Variants in APH1B observed in about 807,000 individuals in gnomAD.
The protein encoded by APH1B is aph-1B gamma-secretase subunit, also known as gamma-secretase subunit APH-1B.
In APH1B, 27 loss-of-function variants were observed where a neutral mutation model predicts 28.2. That is an observed-to-expected ratio of 0.96 (90% CI 0.70 to 1.32). The LOEUF (loss-of-function observed/expected upper bound fraction) is 1.32, where lower values mean the gene tolerates loss of function less well. Ranked by LOEUF, APH1B falls within the 40% of genes most tolerant of loss-of-function variation. The probability of loss-of-function intolerance (pLI) is 0.00; values close to 1 mark genes in which losing one functional copy is unlikely to be tolerated. For synonymous variants in APH1B, 141 were observed against 124.6 expected (o/e 1.13, Z -0.88); for missense variants, 305 against 313.6 (o/e 0.97, Z 0.21).
rs747064305 is a variant in APH1B, at chr15:63,302,344, G to T, written c.479-1G>T. On this transcript the variant is annotated splice_acceptor_variant, in intron 4 of 5. Coordinates refer to ENST00000261879, the MANE Select transcript of APH1B (RefSeq NM_031301.4). LOFTEE classifies it high-confidence loss of function. ...GACACTAATGGTCGGCTCTCTTTCA[G>T]CTTTCATGACGCTGGTCATTATCTT... The T allele has an allele frequency of 6.2e-7, 1 of 1,613,588 alleles. No individual in the cohort carries two copies. The highest frequency in any genetic ancestry group is 1.3e-5 in the African/African-American group (1 of 74,890).
Position 63,290,302 on chromosome 15 carries a change from C to T in APH1B, c.478+2756C>T, listed in dbSNP as rs536037708. 8.5e-5 allele frequency among the ~76,000 whole-genome samples: 13 copies of T among 152,158 alleles called. No homozygotes were observed. The South Asian group carries it at 2.7e-3, about 32-fold the overall frequency. On this transcript the variant is annotated intron_variant, in intron 4 of 5. Transcript: ENST00000261879. ...TATTTGTGGTTATGTTGTAGGCTAG[C>T]ATTAAATTTTACTAGAATCATTACC... is the stretch of plus-strand genomic sequence containing the variant.
chr15:63,301,953 G>A lies in APH1B; in HGVS notation c.479-392G>A, dbSNP rs555317089. 3.8e-4 allele frequency among the ~76,000 whole-genome samples: 58 copies of A among 152,228 alleles called. 1 individual carries two copies. The highest frequency in any genetic ancestry group is 1.3e-3 in the African/African-American group (53 of 41,554). Reference sequence around the variant, plus strand: ...CCATTGCTCTTTTTCAAAAGGATCCGAGGAAAAATTCCACTTTAGTGAGGA... The same window carrying A: ...CCATTGCTCTTTTTCAAAAGGATCCAAGGAAAAATTCCACTTTAGTGAGGA... On this transcript the variant is annotated intron_variant, in intron 4 of 5. Coordinates refer to ENST00000261879, the MANE Select transcript of APH1B (RefSeq NM_031301.4).
At chr15:63,293,498 CTT>C (rs1284708232) in intron 4 of APH1B, among the ~76,000 whole-genome samples, 5 of 126,730 alleles carry the variant, frequency 3.9e-5, no homozygotes, top group Admixed American at 1.6e-4. Flanking sequence ...TCTTCTTCTT[CTT>C]TTTTTTTTTT....
At chr15:63,294,041 C>T (rs914673800) in intron 4 of APH1B, among the ~76,000 whole-genome samples, 1 of 152,016 alleles carries the variant, frequency 6.6e-6, no homozygotes, top group African/African-American at 2.4e-5. Flanking sequence ...CTGTACCTAG[C>T]CACTGCTGCT....
In APH1B at chr15:63,286,623, C is replaced by T; in HGVS notation, c.350C>T (p.Ala117Val). 1 of 1,603,492 alleles carries T rather than the reference C, an allele frequency of 6.2e-7. No individual in the cohort carries two copies. The highest frequency in any genetic ancestry group is 8.5e-7 in the Non-Finnish European group (1 of 1,176,260). Residue 117 changes from alanine (A) to valine (V), a missense_variant, in exon 3 of 6, where the codon GCC becomes GTC. Transcript: ENST00000261879. ...ACAGCACCCTCTATGCGACTGCTGG[C>T]CTATGGTAAGTTAGAACCACATGGT... ...GETAPSMRLL[A>V]YVSGLGFGIM... is the part of the protein sequence containing the mutation.
chr15:63,303,877 AC>A (rs1567033417), intron 5 of APH1B, among the ~76,000 whole-genome samples: 40 of 96,308 alleles, frequency 4.2e-4, no homozygotes, highest in East Asian at 2.1e-3. Context: ...CACACACAAC[AC>A]ACACACACAC....
At chr15:63,279,030 ACT>A in intron 1 of APH1B, 129 bp from the exon 2 acceptor site, 1 of 708,018 alleles carries the variant, frequency 1.4e-6, no homozygotes, top group Non-Finnish European at 2.1e-6. Flanking sequence ...CTTTATGAGG[ACT>A]TTCTTTTCCT....
At chr15:63,293,189 G>A (rs2038523822) in intron 4 of APH1B, among the ~76,000 whole-genome samples, 1 of 150,746 alleles carries the variant, frequency 6.6e-6, no homozygotes, top group African/African-American at 2.4e-5. Flanking sequence ...TACTGAGACC[G>A]AGTCTTACTC....
At chr15:63,302,234 A>AAAC (rs1327068263) in intron 4 of APH1B, 111 bp from the exon 5 acceptor site, 3 of 1,336,848 alleles carry the variant, frequency 2.2e-6, no homozygotes, top group Non-Finnish European at 3.0e-6. Flanking sequence ...AGGTGGTGTT[A>AAAC]AACTCTCTTG....
intron 2 of APH1B, among the ~76,000 whole-genome samples, chr15:63,283,987 C>T (rs745383936): frequency 1.3e-5 from 2 of 152,116 alleles, no homozygotes; most frequent in Admixed American, 6.5e-5. Flanking sequence ...TGTTGAAAAT[C>T]GGTTGACTGT....
chr15:63,286,341 A>G (rs543398091), intron 2 of APH1B, among the ~76,000 whole-genome samples: 213 of 152,208 alleles, frequency 1.4e-3, no homozygotes, highest in African/African-American at 5.0e-3. Flanking sequence ...CTTTTATGGG[A>G]ATGTCAAAAG....
At chr15:63,284,776 A>C (rs1170477691) in intron 2 of APH1B, among the ~76,000 whole-genome samples, 2 of 152,124 alleles carry the variant, frequency 1.3e-5, no homozygotes, top group East Asian at 3.9e-4. Context: ...TACCTGGGTA[A>C]ATTGTGATCC....
rs768494021 is a variant in APH1B at position 63,305,673 on chromosome 15, C to T, written c.666C>T (p.Leu222=). 77 of 1,614,108 alleles carry T rather than the reference C, an allele frequency of 4.8e-5. 1 individual carries two copies. In the South Asian group the frequency reaches 7.0e-4, roughly 15 times the overall value. ...NLASAFIILV[L]MGTWAFLAAG... is the part of the protein sequence containing the mutation. Reference sequence around the variant, plus strand: ...CGTCAGCATTTATAATCCTGGTGCTCATGGGCACCTGGGCATTCTTAGCTG... The same window carrying T: ...CGTCAGCATTTATAATCCTGGTGCTTATGGGCACCTGGGCATTCTTAGCTG... Residue 222 remains leucine, a synonymous_variant, in exon 6 of 6, where the codon CTC becomes CTT. Coordinates refer to ENST00000261879, the MANE Select transcript of APH1B (RefSeq NM_031301.4).
intron 4 of APH1B, among the ~76,000 whole-genome samples, chr15:63,301,332 G>A (rs1165822798): frequency 6.6e-6 from 1 of 152,156 alleles, no homozygotes; most frequent in Non-Finnish European, 1.5e-5. Context: ...CAGTCTGGTG[G>A]GTGTTAATGA....
chr15:63,282,357 G>T (rs926808447), intron 2 of APH1B, among the ~76,000 whole-genome samples: 5 of 152,108 alleles, frequency 3.3e-5, no homozygotes, highest in Non-Finnish European at 7.4e-5. Context: ...ATATGGAATT[G>T]GATCAAAATA....
At chr15:63,294,061 C>T (rs1005330769) in intron 4 of APH1B, among the ~76,000 whole-genome samples, 21 of 151,732 alleles carry the variant, frequency 1.4e-4, no homozygotes, top group Admixed American at 1.1e-3. Context: ...TTTTAATTTT[C>T]GGTGTTTTGG....
chr15:63,288,288 A>AG (rs1157203208), intron 4 of APH1B, among the ~76,000 whole-genome samples: 11 of 152,238 alleles, frequency 7.2e-5, no homozygotes, highest in Non-Finnish European at 1.5e-5. Context: ...AGGGAATAAG[A>AG]GAAAAAAAAG....
intron 5 of APH1B, among the ~76,000 whole-genome samples, chr15:63,303,870 ACAC>A (rs992475525): frequency 4.3e-5 from 3 of 70,338 alleles, no homozygotes; most frequent in African/African-American, 1.3e-4. Context: ...ACACACACAC[ACAC>A]AACACACACA....
intron 2 of APH1B, 31 bp downstream of exon 2, chr15:63,279,362 T>TC (rs1304197376): frequency 3.8e-6 from 6 of 1,562,910 alleles, no homozygotes; most frequent in Middle Eastern, 1.8e-4. Context: ...ACCTTTTTTT[T>TC]CCCCAGTTAG....
Sources: allele counts gnomAD v4.1 joint callset (sites outside exome capture counted in the v4.1 genomes callset), GRCh38; gene constraint gnomAD v4.1.1; transcripts MANE v1.5; gene names NCBI Gene and HGNC (gene_info 2026-07-23, HGNC 2026-07-21).